The following CPXM2 variants were observed in gnomAD, a reference collection of about 807,000 sequenced individuals.
CPXM2 encodes the protein carboxypeptidase X, M14 family member 2, also known as inactive carboxypeptidase-like protein X2.
A neutral mutation model predicts 86.1 loss-of-function variants in CPXM2; 66 were observed. The observed-to-expected ratio is 0.77, with a 90% confidence interval of 0.63 to 0.94. CPXM2 has a LOEUF of 0.94. Ranked by LOEUF, CPXM2 falls within the 40% of genes least tolerant of loss-of-function variation. The probability of loss-of-function intolerance (pLI) is 0.00; values close to 1 mark genes in which losing one functional copy is unlikely to be tolerated. For synonymous variants in CPXM2, 388 were observed against 400.2 expected (o/e 0.97, Z 0.36); for missense variants, 948 against 1,026.3 (o/e 0.92, Z 1.04).
chr10:123,918,792 C>T (rs1945556543), intron 2 of CPXM2, among the ~76,000 whole-genome samples: 2 of 152,154 alleles, frequency 1.3e-5, no homozygotes, highest in South Asian at 2.1e-4. Context: ...AAAATTATTT[C>T]CTCTGACTAG....
At chr10:123,778,815 C>T (rs1401620346) in intron 7 of CPXM2, among the ~76,000 whole-genome samples, 1 of 152,128 alleles carries the variant, frequency 6.6e-6, no homozygotes, top group Non-Finnish European at 1.5e-5. Context: ...ATATAAATAC[C>T]CTCAAAATGT....
chr10:123,842,171 TC>T (rs929365852), intron 4 of CPXM2, among the ~76,000 whole-genome samples, 177 bp downstream of exon 4: 1 of 152,168 alleles, frequency 6.6e-6, no homozygotes, highest in South Asian at 2.1e-4. Flanking sequence ...AAACGCACCA[TC>T]CCCCCCAGGA....
At chr10:123,911,951 C>A (rs1283732475) in intron 2 of CPXM2, among the ~76,000 whole-genome samples, 7 of 151,942 alleles carry the variant, frequency 4.6e-5, no homozygotes, top group Admixed American at 3.9e-4. Flanking sequence ...AGCTTCAGAG[C>A]AGGAGTGAAA....
intron 6 of CPXM2, among the ~76,000 whole-genome samples, chr10:123,790,613 TAGG>T (rs1186950362): frequency 6.6e-6 from 1 of 152,122 alleles, no homozygotes; most frequent in Non-Finnish European, 1.5e-5. Flanking sequence ...CTTCTGCTGC[TAGG>T]AGGACAGGCT....
chr10:123,869,567 G>T (rs566478085), intron 2 of CPXM2, among the ~76,000 whole-genome samples: 2 of 152,184 alleles, frequency 1.3e-5, no homozygotes, highest in Admixed American at 6.5e-5. Context: ...CTCTTAAAGA[G>T]AGTGCAGCTC....
At chr10:123,826,713 C>T (rs1006588977) in intron 4 of CPXM2, among the ~76,000 whole-genome samples, 14 of 151,918 alleles carry the variant, frequency 9.2e-5, no homozygotes, top group Admixed American at 2.0e-4. Context: ...ACACACAAAG[C>T]GATTCAGAAA....
At chr10:123,794,088 T>A (rs1437683196) in intron 6 of CPXM2, among the ~76,000 whole-genome samples, 2 of 152,236 alleles carry the variant, frequency 1.3e-5, no homozygotes, top group Non-Finnish European at 2.9e-5. Context: ...TGTCACCTGC[T>A]CTTGGCCGAC....
At chr10:123,854,574 T>C (rs1281881363) in intron 3 of CPXM2, among the ~76,000 whole-genome samples, 1 of 150,582 alleles carries the variant, frequency 6.6e-6, no homozygotes, top group Non-Finnish European at 1.5e-5. Flanking sequence ...AATCTCAGTT[T>C]TCCGGCTGTA....
At chr10:123,750,612 C>A in intron 13 of CPXM2, 1 of 956,984 alleles carries the variant, frequency 1.0e-6, no homozygotes, top group Non-Finnish European at 1.2e-6. Flanking sequence ...ATCTCTAGGT[C>A]TCCTTCACTA....
Position 123,746,996 on chromosome 10 carries a change from C to T in CPXM2, c.2039G>A (p.Arg680His), listed in dbSNP as rs780028739. 28 of 1,613,866 alleles carry T rather than the reference C, an allele frequency of 1.7e-5. No homozygotes were observed. In the East Asian group the frequency reaches 1.8e-4, roughly 10 times the overall value. Residue 680 changes from arginine (R) to histidine (H), a missense_variant, in exon 14 of 14, where the codon CGC (arginine) becomes CAC (histidine). Physicochemically the swap from Arg to His is conservative, Grantham distance 29 (BLOSUM62 0). Coordinates refer to ENST00000241305, the MANE Select transcript of CPXM2 (RefSeq NM_198148.3). ...IRTANDGDYW[R>H]LLNPGEYVVT... is the part of the protein sequence containing the mutation. ...CACATACTCTCCAGGGTTCAGGAGG[C>T]GCCAGTAATCCCCATCGTTGGCTGT...
chr10:123,934,424 C>CT (rs1945696517), intron 2 of CPXM2, among the ~76,000 whole-genome samples: 1 of 151,660 alleles, frequency 6.6e-6, no homozygotes, highest in Non-Finnish European at 1.5e-5. Flanking sequence ...CCAATCCCTG[C>CT]CTCTGTTTTC....
At chr10:123,748,084 A>G (rs1343712473) in intron 13 of CPXM2, among the ~76,000 whole-genome samples, 2 of 152,046 alleles carry the variant, frequency 1.3e-5, no homozygotes, top group Non-Finnish European at 2.9e-5. Flanking sequence ...ACGCAAAAAG[A>G]CGAGGCTGGC....
At chr10:123,877,176 A>G (rs1222457063) in intron 2 of CPXM2, among the ~76,000 whole-genome samples, 1 of 152,250 alleles carries the variant, frequency 6.6e-6, no homozygotes, top group East Asian at 1.9e-4. Context: ...TAATCCTGCA[A>G]TTAATGCATG....
chr10:123,940,087 A>T (rs1945760352), intron 1 of CPXM2: 1 of 152,262 alleles, frequency 6.6e-6, no homozygotes, highest in Admixed American at 6.5e-5. Flanking sequence ...CTGGCTGTAA[A>T]GCTCCCTGAG....
intron 2 of CPXM2, among the ~76,000 whole-genome samples, chr10:123,921,658 G>GTGT (rs1338694506): frequency 6.6e-6 from 1 of 152,208 alleles, no homozygotes; most frequent in African/African-American, 2.4e-5. Flanking sequence ...TGGTAGCAGA[G>GTGT]GCTCAGATTC....
Position 123,854,434 on chromosome 10 carries a change from A to AT in CPXM2, c.513+8179_513+8180insA, listed in dbSNP as rs1334600885. 4.5e-3 allele frequency among the ~76,000 whole-genome samples: 536 copies of AT among 119,674 alleles called. 5 individuals are homozygous for AT. The highest frequency in any genetic ancestry group is 0.016 in the African/African-American group (507 of 31,440). 78.5% of individuals were successfully genotyped at this position (119,674 alleles called of 152,430 possible). A position where few individuals can be genotyped will look rare whatever the true frequency, so the allele number is the denominator to read the frequency against. ...TATATAAAATATATAATATATATAT[A>AT]ATATACTTTTATATATAATATATAT... On this transcript the variant is annotated intron_variant, in intron 3 of 13. Transcript: ENST00000241305.
intron 2 of CPXM2, among the ~76,000 whole-genome samples, chr10:123,932,396 G>C (rs76026700): frequency 0.049 from 7,446 of 152,284 alleles, 283 homozygotes; most frequent in African/African-American, 0.11. Flanking sequence ...GGACACTCTT[G>C]ACCAGTGGGA....
chr10:123,826,014 C>T (rs1368355271), intron 4 of CPXM2, among the ~76,000 whole-genome samples: 1 of 152,156 alleles, frequency 6.6e-6, no homozygotes. Context: ...TCATGTAGTT[C>T]CAGCAATCAG....
At chr10:123,880,145 T>TGGCCCCCCCCCCCCC in intron 2 of CPXM2, 66 bp downstream of exon 2, 1 of 407,580 alleles carries the variant, frequency 2.5e-6, no homozygotes, top group Non-Finnish European at 4.8e-6. Context: ...CAGGGGCCTG[T>TGGCCCCCCCCCCCCC]ACCCACCCAC....
Sources: gnomAD v4.1 joint callset for allele counts (sites outside exome capture counted in the v4.1 genomes callset) on GRCh38, gnomAD v4.1.1 for gene constraint, MANE v1.5 for transcripts, NCBI Gene and HGNC (gene_info 2026-07-23, HGNC 2026-07-21) for gene names.